The following RBM34 variants were observed in gnomAD, a reference collection of about 807,000 sequenced individuals.
RBM34 encodes RNA-binding protein 34.
A neutral mutation model predicts 44.6 loss-of-function variants in RBM34; 39 were observed. The observed-to-expected ratio is 0.87, with a 90% CI of 0.68 to 1.14. RBM34 has a LOEUF of 1.14. RBM34 is among the 50% of genes most tolerant of loss of function. The pLI, the probability that RBM34 is intolerant of heterozygous loss-of-function variation, is 0.00. For missense variants in RBM34, 572 were observed against 517.9 expected (o/e 1.10, Z -1.01); for synonymous variants, 194 against 184.0 (o/e 1.05, Z -0.44).
At chr1:235,133,845 A>G (rs1475014834) in intron 10 of RBM34, among the ~76,000 whole-genome samples, 1 of 152,172 alleles carries the variant, frequency 6.6e-6, no homozygotes, top group East Asian at 1.9e-4. Flanking sequence ...TACACCGTGG[A>G]TATCAAGGGA....
intron 5 of RBM34, among the ~76,000 whole-genome samples, chr1:235,149,287 G>A (rs941676707): frequency 2.0e-5 from 3 of 151,482 alleles, no homozygotes; most frequent in Non-Finnish European, 4.4e-5. Context: ...TACTCAGGAG[G>A]CTGAGGCAGG....
At chr1:235,149,134 A>T (rs1487543071) in intron 5 of RBM34, among the ~76,000 whole-genome samples, 1 of 151,540 alleles carries the variant, frequency 6.6e-6, no homozygotes, top group Non-Finnish European at 1.5e-5. Context: ...CACACCTGTA[A>T]TCCCAGCACT....
At position 235,155,876 on chromosome 1, in the gene RBM34, C is replaced by CTT. The variant is rs111691284; in HGVS notation, c.366-766_366-765dup. 5.3e-3 allele frequency among the ~76,000 whole-genome samples: 450 copies of CTT among 84,502 alleles called. 31 individuals carry two copies. Among genetic ancestry groups the CTT allele is most frequent in the Admixed American group, 0.037 (295 of 8,030 alleles). 55.4% of individuals were successfully genotyped at this position (84,502 alleles called of 152,430 possible). ...ATATATATATATATATACATATATA[C>CTT]TTTTTTTTTTTGAGACAGAGTCTAG... On this transcript the variant is annotated intron_variant, in intron 3 of 10. Transcript: ENST00000408888.
At chr1:235,152,451 A>G in intron 5 of RBM34, 2 of 1,146,964 alleles carry the variant, frequency 1.7e-6, no homozygotes, top group Middle Eastern at 3.7e-4. Flanking sequence ...TAAATAAGTC[A>G]CCCATCCACC....
chr1:235,155,862 T>TATATATATATACATAC (rs1322918501), intron 3 of RBM34, among the ~76,000 whole-genome samples: 1 of 40,004 alleles, frequency 2.5e-5, no homozygotes, highest in Non-Finnish European at 4.2e-5. Flanking sequence ...TATATATATA[T>TATATATATATACATAC]ATATACATAT....
At chr1:235,146,303 G>A (rs990174549) in intron 6 of RBM34, among the ~76,000 whole-genome samples, 1 of 152,104 alleles carries the variant, frequency 6.6e-6, no homozygotes, top group African/African-American at 2.4e-5. Context: ...CCATCAGTGG[G>A]AGATTTGATA....
At chr1:235,142,867 G>T (rs1447201495) in intron 6 of RBM34, among the ~76,000 whole-genome samples, 1 of 147,286 alleles carries the variant, frequency 6.8e-6, no homozygotes, top group African/African-American at 2.5e-5. Context: ...GGCGGAGGTT[G>T]CAGTGAGCTG....
chr1:235,155,823 A>ATG (rs1662388831), intron 3 of RBM34, among the ~76,000 whole-genome samples: 1 of 2,760 alleles, frequency 3.6e-4, no homozygotes, highest in Non-Finnish European at 6.1e-4. Context: ...ATACATATAC[A>ATG]TATATATATA....
intron 3 of RBM34, among the ~76,000 whole-genome samples, chr1:235,159,687 T>C (rs1427599114): frequency 1.3e-5 from 2 of 151,290 alleles, no homozygotes; most frequent in Non-Finnish European, 1.5e-5. Context: ...CTGGCCAACA[T>C]GATGAAACTC....
At chr1:235,148,661 T>G (rs1463597240) in intron 5 of RBM34, among the ~76,000 whole-genome samples, 1 of 151,850 alleles carries the variant, frequency 6.6e-6, no homozygotes, top group Non-Finnish European at 1.5e-5. Flanking sequence ...TGCAGTGGCA[T>G]GATGTCGGCT....
At position 235,138,095 on chromosome 1, in the gene RBM34, T is replaced by C. The variant is rs1350502136; in HGVS notation, c.781A>G (p.Lys261Glu). 13 of 1,604,900 alleles carry C rather than the reference T, an allele frequency of 8.1e-6. No individual in the cohort carries two copies. Among genetic ancestry groups the C allele is most frequent in the Non-Finnish European group, 1.0e-5 (12 of 1,175,176 alleles). ...KEESAATQALKRNGAQIADGF... is the reference protein window; with the variant it reads ...KEESAATQALERNGAQIADGF... ...AAACCTAAGGGATAAAATTACCTTT[T>C]CAATGCTTGCGTGGCAGCACTCTCC... Residue 261 changes from lysine to glutamate, a missense_variant, in exon 7 of 11, where the codon AAA becomes GAA. Coordinates refer to ENST00000408888, the MANE Select transcript of RBM34 (RefSeq NM_015014.4).
rs1485602134 is a variant in RBM34 at position 235,136,045 on chromosome 1, T to C, written c.878A>G (p.Asn293Ser). 3 of 1,592,850 alleles carry C rather than the reference T, an allele frequency of 1.9e-6. No individual in the cohort carries two copies. Among genetic ancestry groups the C allele is most frequent in the African/African-American group, 1.3e-5 (1 of 74,386 alleles). Residue 293 changes from asparagine (N) to serine (S), a missense_variant, in exon 9 of 11, where the codon AAT (asparagine) becomes AGT (serine). By Grantham distance (46) the Asn-to-Ser change is conservative. Transcript: ENST00000408888. The part of the protein sequence containing the change: ...SRDKRSVFVG[N>S]LPYKVEESAI... ...TTAAACAAACTTACTATAAGGGAGA[T>C]TCCCCACAAAAACCGATCTCTTGTC... is the stretch of plus-strand genomic sequence containing the variant.
intron 6 of RBM34, among the ~76,000 whole-genome samples, chr1:235,140,539 G>A (rs1572148510): frequency 6.6e-6 from 1 of 152,246 alleles, no homozygotes. Context: ...GCAGGGCAGG[G>A]TTCGGGACCT....
In RBM34 at chr1:235,160,552, C is replaced by T. The variant is rs756801551; in HGVS notation, c.324G>A (p.Ala108=). The change falls in exon 3 of 11, where the codon GCG becomes GCA. Residue 108 remains alanine (A), a synonymous_variant. Coordinates refer to ENST00000408888, the MANE Select transcript of RBM34 (RefSeq NM_015014.4). ...LSQEPAKKVK[A]KKKHTNAEKK... is the part of the protein sequence containing the mutation. ...TTTCTGCGTTAGTGTGTTTCTTCTT[C>T]GCTTTCACTTTTTTGGCAGGTTCTT... 3 of 1,614,038 alleles carry T rather than the reference C, an allele frequency of 1.9e-6. No individual in the cohort carries two copies. Among genetic ancestry groups the T allele is most frequent in the Non-Finnish European group, 2.5e-6 (3 of 1,180,002 alleles).
At chr1:235,152,493 G>A (rs1662207685) in intron 5 of RBM34, 1 of 1,281,100 alleles carries the variant, frequency 7.8e-7, no homozygotes. Flanking sequence ...TTCATAGCAA[G>A]AGTATCATTT....
At chr1:235,144,358 A>G (rs1558142226) in intron 6 of RBM34, among the ~76,000 whole-genome samples, 1 of 152,208 alleles carries the variant, frequency 6.6e-6, no homozygotes. Flanking sequence ...GACATATTGC[A>G]GAGGGTTAGA....
At chr1:235,158,434 C>CA (rs1034541852) in intron 3 of RBM34, among the ~76,000 whole-genome samples, 14 of 142,286 alleles carry the variant, frequency 9.8e-5, no homozygotes, top group East Asian at 6.3e-4. Flanking sequence ...AAAAAAAAAA[C>CA]AAAAAAAAAC....
intron 5 of RBM34, among the ~76,000 whole-genome samples, chr1:235,149,071 C>A (rs1354423272): frequency 2.0e-5 from 3 of 151,808 alleles, no homozygotes; most frequent in Non-Finnish European, 4.4e-5. Flanking sequence ...GGAAGAGACA[C>A]CGACGATGAA....
At chr1:235,151,571 T>C (rs1410431969) in intron 5 of RBM34, among the ~76,000 whole-genome samples, 1 of 152,086 alleles carries the variant, frequency 6.6e-6, no homozygotes, top group Non-Finnish European at 1.5e-5. Flanking sequence ...AAAACTGAGG[T>C]GCAGGAGGTG....
Sources: allele counts gnomAD v4.1 joint callset (sites outside exome capture counted in the v4.1 genomes callset), GRCh38; gene constraint gnomAD v4.1.1; transcripts MANE v1.5; gene names NCBI Gene and HGNC (gene_info 2026-07-23, HGNC 2026-07-21).